RELB: variants seen among roughly 807,000 people sequenced by gnomAD.
RELB encodes RELB proto-oncogene, NF-kB subunit, also known as transcription factor RelB.
Under a neutral mutation model 55.4 loss-of-function variants are expected in RELB, and 14 were observed. The ratio of observed to expected loss-of-function variants is 0.25; its 90% CI spans 0.17 to 0.40. The LOEUF is 0.40. Among genes scored for constraint, RELB ranks in the 10% least tolerant of loss-of-function variants. The pLI, the probability that RELB is intolerant of heterozygous loss-of-function variation, is 1.00. For synonymous variants in RELB, 409 were observed against 371.3 expected (o/e 1.10, Z -1.17); for missense variants, 669 against 830.7 (o/e 0.81, Z 2.39).
At chr19:45,004,999 C>T (rs1329275044) in intron 2 of RELB, among the ~76,000 whole-genome samples, 1 of 151,920 alleles carries the variant, frequency 6.6e-6, no homozygotes, top group Non-Finnish European at 1.5e-5. Flanking sequence ...GAAACCCCAT[C>T]TCTACTAAAA....
At chr19:45,017,060 C>G (rs987240744) in intron 4 of RELB, among the ~76,000 whole-genome samples, 3 of 152,160 alleles carry the variant, frequency 2.0e-5, no homozygotes, top group African/African-American at 7.2e-5. Context: ...GTAGGGTCCA[C>G]ATCAGTGTCA....
At chr19:45,026,115 G>A (rs980088815) in intron 7 of RELB, among the ~76,000 whole-genome samples, 5 of 152,014 alleles carry the variant, frequency 3.3e-5, no homozygotes, top group South Asian at 2.1e-4. Flanking sequence ...AGTGGCAGGC[G>A]ACTATAATCC....
chr19:45,014,434 G>A (rs980423083), intron 4 of RELB, among the ~76,000 whole-genome samples: 1 of 151,754 alleles, frequency 6.6e-6, no homozygotes, highest in Non-Finnish European at 1.5e-5. Flanking sequence ...GCCTCCCAAA[G>A]TGTTGGAATT....
intron 5 of RELB, among the ~76,000 whole-genome samples, chr19:45,023,598 C>T (rs540229835): frequency 5.3e-5 from 8 of 149,882 alleles, no homozygotes; most frequent in African/African-American, 9.8e-5. Context: ...CCACCACACC[C>T]GGCTATTTTT....
At chr19:45,006,727 G>A (rs1269386822) in intron 2 of RELB, among the ~76,000 whole-genome samples, 8 of 151,570 alleles carry the variant, frequency 5.3e-5, no homozygotes, top group Admixed American at 3.3e-4. Context: ...TTGGGAGGCC[G>A]AGGTGGGTGG....
In RELB at chr19:45,001,588, G is replaced by C; in HGVS notation, c.9G>C (p.Arg3=). 6.7e-7 allele frequency: 1 copy of C among 1,482,446 alleles called. No individual in the cohort carries two copies. The highest frequency in any genetic ancestry group is 8.9e-7 in the Non-Finnish European group (1 of 1,122,924). The allele number at this position is 1,482,446 out of a possible 1,614,324, so 91.8% of individuals were successfully genotyped here. A position where few individuals can be genotyped will look rare whatever the true frequency, so the allele number is the denominator to read the frequency against. ...CCGGCCGGCCCGCGTGCATGCTTCG[G>C]TCTGGGCCAGCCTCTGGGCCGTCCG... The part of the protein sequence containing the change: ML[R]SGPASGPSVP... Residue 3 remains arginine (R), a synonymous_variant, in exon 1 of 12, where the codon CGG becomes CGC. Transcript: ENST00000221452.
In RELB at chr19:45,037,767, T is replaced by C. The variant is rs1600086711; in HGVS notation, c.1717T>C (p.Ser573Pro). Residue 573 changes from serine to proline, a missense_variant, in exon 12 of 12, where the codon TCC becomes CCC. This residue lies in a region of RELB where 341 missense variants were observed against 436.8 expected (regional missense o/e 0.78). Coordinates refer to ENST00000221452, the MANE Select transcript of RELB (RefSeq NM_006509.4). ...REAAFGGGLL[S>P]PGPEAT is the part of the protein sequence containing the mutation. Reference sequence around the variant, plus strand: ...GGCGGCCTTTGGGGGCGGCCTCCTATCCCCGGGGCCTGAAGCCACGTAGCC... The same window carrying C: ...GGCGGCCTTTGGGGGCGGCCTCCTACCCCCGGGGCCTGAAGCCACGTAGCC... 1 of 1,486,854 alleles carries C rather than the reference T, an allele frequency of 6.7e-7. No homozygotes were observed. Among genetic ancestry groups the C allele is most frequent in the Non-Finnish European group, 8.9e-7 (1 of 1,121,460 alleles). 92.1% of individuals were successfully genotyped at this position (1,486,854 alleles called of 1,614,324 possible). A position where few individuals can be genotyped will look rare whatever the true frequency, so the allele number is the denominator to read the frequency against.
At chr19:45,030,998 T>C (rs951416495) in intron 8 of RELB, among the ~76,000 whole-genome samples, 3 of 152,174 alleles carry the variant, frequency 2.0e-5, no homozygotes, top group Non-Finnish European at 4.4e-5. Context: ...CGGTACCTAA[T>C]AGTACCTTCT....
chr19:45,037,469 G>A lies in RELB; in HGVS notation c.1419G>A (p.Leu473=). 6.2e-7 allele frequency: 1 copy of A among 1,610,040 alleles called. No individual in the cohort carries two copies. The change falls in exon 12 of 12, where the codon CTG becomes CTA. Residue 473 remains leucine (L), a synonymous_variant. Coordinates refer to ENST00000221452, the MANE Select transcript of RELB (RefSeq NM_006509.4). The stretch of plus-strand genomic sequence containing the variant: ...ACTTCTTCTCTGGCACCGTGTCCCT[G>A]CCCGGCCTGGAGCCCCCTGGCGGGC... ...DPDFFSGTVS[L]PGLEPPGGPD... is the part of the protein sequence containing the mutation.
At chr19:45,006,768 C>A (rs1272889343) in intron 2 of RELB, among the ~76,000 whole-genome samples, 1 of 151,206 alleles carries the variant, frequency 6.6e-6, no homozygotes, top group Non-Finnish European at 1.5e-5. Context: ...CAAGACCAGC[C>A]TGACCAACGT....
chr19:45,009,678 C>G lies in RELB; in HGVS notation c.155-136C>G, dbSNP rs371215123. On this transcript the variant is annotated intron_variant, in intron 2 of 11. Transcript: ENST00000221452. ...GGTTTAGTGCCCCAGCAAGTCAGAG[C>G]CCAGGGTTTCCCAGGACGGAGGAAG... 2.0e-4 allele frequency: 187 copies of G among 956,780 alleles called. 1 individual carries two copies. The South Asian group carries it at 2.7e-3, about 14-fold the overall frequency. The allele number at this position is 956,780 out of a possible 1,614,324, so 59.3% of individuals were successfully genotyped here. A position where few individuals can be genotyped will look rare whatever the true frequency, so the allele number is the denominator to read the frequency against.
At chr19:45,036,097 T>C (rs895730590) in intron 11 of RELB, among the ~76,000 whole-genome samples, 10 of 152,108 alleles carry the variant, frequency 6.6e-5, no homozygotes, top group African/African-American at 2.4e-4. Flanking sequence ...TTTTTTGAGA[T>C]AGTCTTGCCC....
chr19:45,021,046 G>C (rs1262606176), intron 4 of RELB, among the ~76,000 whole-genome samples: 1 of 152,086 alleles, frequency 6.6e-6, no homozygotes, highest in African/African-American at 2.4e-5. Context: ...ATGGTAGTGT[G>C]CGCCTGTAGT....
At chr19:45,023,586 C>T (rs1403980926) in intron 5 of RELB, among the ~76,000 whole-genome samples, 1 of 148,588 alleles carries the variant, frequency 6.7e-6, no homozygotes, top group African/African-American at 2.5e-5. Context: ...TGCAGGCGCC[C>T]ACCACCACAC....
At chr19:45,005,942 G>C (rs934279410) in intron 2 of RELB, among the ~76,000 whole-genome samples, 1 of 152,140 alleles carries the variant, frequency 6.6e-6, no homozygotes, top group African/African-American at 2.4e-5. Context: ...TAGATCTTTG[G>C]TTTCAAATGA....
At chr19:45,010,044 A>T (rs1324294477) in intron 3 of RELB, among the ~76,000 whole-genome samples, 1 of 152,110 alleles carries the variant, frequency 6.6e-6, no homozygotes, top group Non-Finnish European at 1.5e-5. Context: ...TCACACCTGT[A>T]ATCCTGGCAC....
chr19:45,037,059 A>T (rs1971694358), intron 11 of RELB, among the ~76,000 whole-genome samples: 2 of 152,072 alleles, frequency 1.3e-5, no homozygotes, highest in Admixed American at 6.6e-5. Flanking sequence ...CAGGTGGATC[A>T]CCTGAGGTCA....
chr19:45,020,804 G>A (rs538694304), intron 4 of RELB, among the ~76,000 whole-genome samples: 54 of 149,350 alleles, frequency 3.6e-4, no homozygotes, highest in African/African-American at 1.3e-3. Context: ...TGATCTGCCC[G>A]TCTCAGCCTC....
Position 45,037,283 on chromosome 19 carries a change from G to GAA in RELB, c.1355-108_1355-107dup, listed in dbSNP as rs560232256. The GAA allele has an allele frequency of 5.3e-3, 4,629 of 865,264 alleles. 6 individuals carry two copies. Among genetic ancestry groups the GAA allele is most frequent in the African/African-American group, 0.019 (829 of 44,296 alleles). 53.6% of individuals were successfully genotyped at this position (865,264 alleles called of 1,614,324 possible). A position where few individuals can be genotyped will look rare whatever the true frequency, so the allele number is the denominator to read the frequency against. ...GGTGACAGAATGAGACTCCATCTCA[G>GAA]AAAAAAAAAAAAAAAGGCCACCTTG... On this transcript the variant is annotated intron_variant, in intron 11 of 11. Transcript: ENST00000221452.
Sources: allele counts gnomAD v4.1 joint callset (sites outside exome capture counted in the v4.1 genomes callset), GRCh38; gene constraint gnomAD v4.1.1; regional missense constraint gnomAD v4.1.1; transcripts MANE v1.5; gene names NCBI Gene and HGNC (gene_info 2026-07-23, HGNC 2026-07-21).